Variants in SEMA5A observed in about 807,000 individuals in gnomAD.
SEMA5A encodes semaphorin 5A.
SEMA5A carries 55 observed loss-of-function variants against 135.5 expected under a neutral mutation model. The ratio of observed to expected loss-of-function variants is 0.41; its 90% CI spans 0.33 to 0.51. The LOEUF (loss-of-function observed/expected upper bound fraction) is 0.51. Ranked by LOEUF, SEMA5A falls within the 20% of genes least tolerant of loss-of-function variation. The pLI, the probability that SEMA5A is intolerant of heterozygous loss-of-function variation, is 0.37. For missense variants in SEMA5A, 1,290 were observed against 1,419.9 expected (o/e 0.91, Z 1.47); for synonymous variants, 580 against 546.5 (o/e 1.06, Z -0.85).
chr5:9,531,050 A>T (rs1366526546), intron 1 of SEMA5A, among the ~76,000 whole-genome samples: 2 of 152,162 alleles, frequency 1.3e-5, no homozygotes, highest in African/African-American at 4.8e-5. Flanking sequence ...ACACTGGAAA[A>T]GGTCATCTTG....
Position 9,040,973 on chromosome 5 carries a change from G to A in SEMA5A, c.*1924C>T, listed in dbSNP as rs953243936. Reference sequence around the variant, plus strand: ...CCGAGGAACAATTGGAGAACCATCCGGCTAGATTTCCCCTACTGAGTATGG... The same window carrying A: ...CCGAGGAACAATTGGAGAACCATCCAGCTAGATTTCCCCTACTGAGTATGG... On this transcript the variant is annotated 3_prime_UTR_variant, in exon 23 of 23. Coordinates refer to ENST00000382496, the MANE Select transcript of SEMA5A (RefSeq NM_003966.3). 2.0e-5 allele frequency: 3 copies of A among 152,148 alleles called. No homozygotes were observed. The highest frequency in any genetic ancestry group is 6.5e-5 in the Admixed American group (1 of 15,278). The allele number at this position is 152,148 out of a possible 1,614,324, so 9.4% of individuals were successfully genotyped here. A position where few individuals can be genotyped will look rare whatever the true frequency, so the allele number is the denominator to read the frequency against.
rs549436105 is a variant in SEMA5A at position 9,319,872 on chromosome 5, T to A, written c.225-1455A>T. ...TATATAAACTGGACATATATCCCAG[T>A]AGAAGTGACAAGTGACAGCCAAAGA... On this transcript the variant is annotated intron_variant, in intron 4 of 22. Transcript: ENST00000382496. Among the ~76,000 whole-genome samples, 236 of 151,294 alleles carry A rather than the reference T, an allele frequency of 1.6e-3. 1 individual carries two copies. Among genetic ancestry groups the A allele is most frequent in the African/African-American group, 5.3e-3 (220 of 41,344 alleles).
intron 12 of SEMA5A, among the ~76,000 whole-genome samples, chr5:9,147,163 AT>A (rs1447094566): frequency 3.9e-5 from 6 of 152,146 alleles, no homozygotes; most frequent in Admixed American, 2.0e-4. Flanking sequence ...TAGTAATCTA[AT>A]TTTCCATACT....
chr5:9,176,438 G>T (rs563797128), intron 11 of SEMA5A, among the ~76,000 whole-genome samples: 86 of 152,326 alleles, frequency 5.6e-4, no homozygotes, highest in African/African-American at 1.9e-3. Flanking sequence ...CTGGCATCCT[G>T]ATTGCAGCCT....
At chr5:9,049,366 T>C in intron 21 of SEMA5A, among the ~76,000 whole-genome samples, 1 of 152,182 alleles carries the variant, frequency 6.6e-6, no homozygotes, top group East Asian at 1.9e-4. Context: ...TTCGTCATGT[T>C]GGAAAGGCTC....
At chr5:9,116,307 G>A (rs1167673207) in intron 15 of SEMA5A, among the ~76,000 whole-genome samples, 2 of 152,186 alleles carry the variant, frequency 1.3e-5, no homozygotes, top group East Asian at 3.8e-4. Context: ...AACTAGCACA[G>A]ATAATAACAT....
rs894969946 is a variant in SEMA5A, at chr5:9,274,771, C to A, written c.271-36881G>T. On this transcript the variant is annotated intron_variant, in intron 5 of 22. Transcript: ENST00000382496. Reference sequence around the variant, plus strand: ...AAATGATGGCAGAAATAAAGATGTTCTTTGAAACCAATGAGAACAAAGACA... The same window carrying A: ...AAATGATGGCAGAAATAAAGATGTTATTTGAAACCAATGAGAACAAAGACA... 2.0e-5 allele frequency among the ~76,000 whole-genome samples: 3 copies of A among 152,154 alleles called. No homozygotes were observed. In the East Asian group the frequency reaches 5.8e-4, roughly 29 times the overall value.
At chr5:9,176,545 A>C (rs1744214863) in intron 11 of SEMA5A, among the ~76,000 whole-genome samples, 1 of 152,334 alleles carries the variant, frequency 6.6e-6, no homozygotes, top group South Asian at 2.1e-4. Context: ...GAAATTGCTA[A>C]GAATATGATA....
At chr5:9,207,116 A>ATATATATATATATATATATATATG (rs1446001099) in intron 8 of SEMA5A, among the ~76,000 whole-genome samples, 39 of 135,288 alleles carry the variant, frequency 2.9e-4, no homozygotes, top group Non-Finnish European at 5.7e-4. Flanking sequence ...ATATATATAT[A>ATATATATATATATATATATATATG]TATATATATA....
chr5:9,411,547 T>C (rs967550778), intron 2 of SEMA5A, among the ~76,000 whole-genome samples: 1 of 152,162 alleles, frequency 6.6e-6, no homozygotes, highest in African/African-American at 2.4e-5. Flanking sequence ...AGTCCCATCA[T>C]TACCAGGTCT....
At chr5:9,112,026 T>C (rs1035986754) in intron 15 of SEMA5A, among the ~76,000 whole-genome samples, 1 of 152,234 alleles carries the variant, frequency 6.6e-6, no homozygotes, top group African/African-American at 2.4e-5. Flanking sequence ...CCCAACACAC[T>C]GCAGACTTTT....
At chr5:9,212,916 T>C (rs1026280703) in intron 8 of SEMA5A, among the ~76,000 whole-genome samples, 1 of 152,172 alleles carries the variant, frequency 6.6e-6, no homozygotes, top group African/African-American at 2.4e-5. Context: ...AAAAATACCA[T>C]AAACTCGGCA....
At chr5:9,118,216 T>C (rs1740624678) in intron 15 of SEMA5A, among the ~76,000 whole-genome samples, 1 of 152,244 alleles carries the variant, frequency 6.6e-6, no homozygotes. Flanking sequence ...TATATTAGTA[T>C]AGCTGAATAA....
At chr5:9,213,104 G>A (rs1217151203) in intron 8 of SEMA5A, among the ~76,000 whole-genome samples, 6 of 152,106 alleles carry the variant, frequency 3.9e-5, no homozygotes, top group African/African-American at 1.2e-4. Flanking sequence ...TTGTTTACTC[G>A]GGCACGAATC....
rs1579511133 is a variant in SEMA5A at position 9,161,032 on chromosome 5, C to CA, written c.1274-6338dup. Among the ~76,000 whole-genome samples the CA allele has an allele frequency of 2.0e-5, 3 of 152,180 alleles. No individual in the cohort carries two copies. In the East Asian group the frequency reaches 5.8e-4, roughly 29 times the overall value. ...CACTGAATCTTATATTCCCAGTCCC[C>CA]ATCCCACAGGAAAACGTGTTCATGT... On this transcript the variant is annotated intron_variant, in intron 11 of 22. Coordinates refer to ENST00000382496, the MANE Select transcript of SEMA5A (RefSeq NM_003966.3).
intron 15 of SEMA5A, among the ~76,000 whole-genome samples, chr5:9,109,576 T>C (rs1343317672): frequency 6.6e-6 from 1 of 152,170 alleles, no homozygotes; most frequent in Non-Finnish European, 1.5e-5. Context: ...CTTTTTCTCA[T>C]GCCCTCCTCT....
At chr5:9,314,256 A>G (rs1013904928) in intron 5 of SEMA5A, among the ~76,000 whole-genome samples, 5 of 152,072 alleles carry the variant, frequency 3.3e-5, no homozygotes, top group African/African-American at 1.2e-4. Context: ...TTATTATCTA[A>G]AACTGTGTTT....
chr5:9,055,415 T>C (rs553749569), intron 18 of SEMA5A, among the ~76,000 whole-genome samples: 30 of 152,290 alleles, frequency 2.0e-4, no homozygotes, highest in African/African-American at 7.0e-4. Context: ...GTATCATATT[T>C]TAACATTCTT....
At chr5:9,190,181 A>T in intron 11 of SEMA5A, 86 bp downstream of exon 11, 1 of 1,414,240 alleles carries the variant, frequency 7.1e-7, no homozygotes, top group South Asian at 1.2e-5. Flanking sequence ...AAAGCTTGAA[A>T]TTGAAATTGA....
Sources: allele counts gnomAD v4.1 joint callset (sites outside exome capture counted in the v4.1 genomes callset), GRCh38; gene constraint gnomAD v4.1.1; transcripts MANE v1.5; gene names NCBI Gene and HGNC (gene_info 2026-07-23, HGNC 2026-07-21).